Variants in KCNIP4 observed in about 807,000 individuals in gnomAD.
The protein encoded by KCNIP4 is potassium voltage-gated channel interacting protein 4.
A neutral mutation model predicts 34.0 loss-of-function variants in KCNIP4; 12 were observed. The ratio of observed to expected loss-of-function variants is 0.35; its 90% CI spans 0.23 to 0.57. The LOEUF (loss-of-function observed/expected upper bound fraction) is 0.57, where lower values mean the gene tolerates loss of function less well. KCNIP4 is among the 20% of genes least tolerant of loss of function. KCNIP4 has a pLI of 0.83. For synonymous variants in KCNIP4, 124 were observed against 102.2 expected (o/e 1.21, Z -1.29); for missense variants, 238 against 311.7 (o/e 0.76, Z 1.78).
chr4:21,551,681 T>A (rs1738596956), intron 1 of KCNIP4, among the ~76,000 whole-genome samples: 3 of 152,078 alleles, frequency 2.0e-5, no homozygotes, highest in Admixed American at 2.0e-4. Flanking sequence ...TAATTTTTCA[T>A]GAGGATTAAA....
intron 1 of KCNIP4, among the ~76,000 whole-genome samples, chr4:21,624,685 G>C (rs980588964): frequency 1.3e-5 from 2 of 151,990 alleles, no homozygotes; most frequent in South Asian, 4.1e-4. Context: ...ATAATAAATA[G>C]CTCTGTCAAA....
At chr4:21,924,858 C>G (rs530924722) in intron 1 of KCNIP4, among the ~76,000 whole-genome samples, 3 of 152,092 alleles carry the variant, frequency 2.0e-5, no homozygotes, top group African/African-American at 7.2e-5. Context: ...TCCTCCCTGG[C>G]CCCCAATTGT....
At chr4:21,216,889 G>A (rs1757624820) in intron 1 of KCNIP4, among the ~76,000 whole-genome samples, 1 of 152,164 alleles carries the variant, frequency 6.6e-6, no homozygotes, top group Admixed American at 6.5e-5. Context: ...CACGGTAAAA[G>A]GGAGATAGGA....
At chr4:21,505,506 T>C (rs1577481427) in intron 1 of KCNIP4, among the ~76,000 whole-genome samples, 2 of 152,224 alleles carry the variant, frequency 1.3e-5, no homozygotes, top group East Asian at 3.9e-4. Flanking sequence ...TGTCCAACTG[T>C]CCCCTCTGCC....
chr4:20,758,547 A>T (rs1754673827), intron 4 of KCNIP4, among the ~76,000 whole-genome samples: 2 of 152,202 alleles, frequency 1.3e-5, no homozygotes, highest in African/African-American at 4.8e-5. Context: ...GAGCACCCTC[A>T]TAATAGTCAG....
intron 1 of KCNIP4, among the ~76,000 whole-genome samples, chr4:21,686,315 G>A (rs1204903198): frequency 6.6e-6 from 1 of 152,110 alleles, no homozygotes; most frequent in African/African-American, 2.4e-5. Flanking sequence ...CTCAAAGCAT[G>A]GTAATATGTT....
chr4:21,383,332 T>G (rs1721697887), intron 1 of KCNIP4, among the ~76,000 whole-genome samples: 1 of 151,786 alleles, frequency 6.6e-6, no homozygotes, highest in Admixed American at 6.6e-5. Flanking sequence ...TCTAACAGTT[T>G]ACGATCTGGT....
intron 1 of KCNIP4, among the ~76,000 whole-genome samples, chr4:21,599,976 T>C (rs1325550239): frequency 6.6e-6 from 1 of 152,098 alleles, no homozygotes; most frequent in Non-Finnish European, 1.5e-5. Context: ...GTAATAAATA[T>C]CATTTTCAAC....
chr4:21,878,486 T>C (rs1427900365), intron 1 of KCNIP4, among the ~76,000 whole-genome samples: 1 of 152,208 alleles, frequency 6.6e-6, no homozygotes, highest in Non-Finnish European at 1.5e-5. Flanking sequence ...TTTTCTGCTA[T>C]TGGTCTGCAT....
Position 21,790,983 on chromosome 4 carries a change from AAAAAAAAAAAAAG to A in KCNIP4, c.61+157575_61+157587del, listed in dbSNP as rs1560716887. 5.6e-4 allele frequency among the ~76,000 whole-genome samples: 85 copies of A among 150,526 alleles called. 1 individual carries two copies. The highest frequency in any genetic ancestry group is 2.0e-3 in the African/African-American group (82 of 40,386). On this transcript the variant is annotated intron_variant, in intron 1 of 8. Coordinates refer to ENST00000382152, the MANE Select transcript of KCNIP4 (RefSeq NM_025221.6). Reference sequence around the variant, plus strand: ...TGCGCACTCCACAAAAAAAAAAAAAAAAAAAAAAAAAAGTTATATCTTGGAATACATCATTTTA... The same window carrying A: ...TGCGCACTCCACAAAAAAAAAAAAAATTATATCTTGGAATACATCATTTTA...
At chr4:21,852,567 G>T (rs897468893) in intron 1 of KCNIP4, 2 of 152,130 alleles carry the variant, frequency 1.3e-5, no homozygotes. Flanking sequence ...CTCTAACACA[G>T]TAAACATAAG....
intron 1 of KCNIP4, among the ~76,000 whole-genome samples, chr4:21,284,156 T>C (rs887937883): frequency 1.3e-5 from 2 of 149,840 alleles, no homozygotes; most frequent in Admixed American, 6.7e-5. Context: ...GAGCTTGCAG[T>C]GAGCCGAGAT....
chr4:20,918,556 GCT>G (rs1729069354), intron 1 of KCNIP4, among the ~76,000 whole-genome samples: 1 of 151,978 alleles, frequency 6.6e-6, no homozygotes, highest in African/African-American at 2.4e-5. Flanking sequence ...GGTTCTCCTT[GCT>G]CTCTCAACAC....
intron 1 of KCNIP4, among the ~76,000 whole-genome samples, chr4:21,720,287 C>T (rs1366807082): frequency 1.3e-5 from 2 of 151,422 alleles, no homozygotes; most frequent in Non-Finnish European, 2.9e-5. Flanking sequence ...CAATTTTTTT[C>T]ATGTAAAATA....
chr4:21,691,679 G>A lies in KCNIP4; in HGVS notation c.61+256892C>T, dbSNP rs191851611. On this transcript the variant is annotated intron_variant, in intron 1 of 8. Coordinates refer to ENST00000382152, the MANE Select transcript of KCNIP4 (RefSeq NM_025221.6). ...GCTCTGATTACCTTTAGCAAGAGGG[G>A]CAAACGCAGCTCTTTTTTTTTTTTT... is the stretch of plus-strand genomic sequence containing the variant. Among the ~76,000 whole-genome samples the A allele has an allele frequency of 3.4e-3, 489 of 144,982 alleles. 4 individuals carry two copies. Among genetic ancestry groups the A allele is most frequent in the Non-Finnish European group, 5.4e-3 (360 of 66,590 alleles).
intron 3 of KCNIP4, among the ~76,000 whole-genome samples, chr4:20,793,745 C>A (rs900169644): frequency 6.6e-6 from 1 of 151,600 alleles, no homozygotes; most frequent in Non-Finnish European, 1.5e-5. Context: ...CAGTGGGAGC[C>A]CTGAGCTTGT....
At chr4:21,378,868 C>A (rs1197101451) in intron 1 of KCNIP4, among the ~76,000 whole-genome samples, 1 of 152,084 alleles carries the variant, frequency 6.6e-6, no homozygotes, top group Non-Finnish European at 1.5e-5. Context: ...TAGCTATCTA[C>A]ATATTTATTA....
At chr4:21,038,937 A>G (rs902824689) in intron 1 of KCNIP4, among the ~76,000 whole-genome samples, 10 of 152,100 alleles carry the variant, frequency 6.6e-5, no homozygotes, top group African/African-American at 2.2e-4. Flanking sequence ...TGAAAAAAGC[A>G]TCCTGTGAAG....
intron 1 of KCNIP4, among the ~76,000 whole-genome samples, chr4:21,412,080 C>T (rs1246557225): frequency 6.6e-6 from 1 of 152,122 alleles, no homozygotes; most frequent in Non-Finnish European, 1.5e-5. Flanking sequence ...GAAAGGGATG[C>T]TTACCCTCAC....
Sources: allele counts gnomAD v4.1 joint callset (sites outside exome capture counted in the v4.1 genomes callset), GRCh38; gene constraint gnomAD v4.1.1; transcripts MANE v1.5; gene names NCBI Gene and HGNC (gene_info 2026-07-23, HGNC 2026-07-21).